NECTIN1: variants seen among roughly 807,000 people sequenced by gnomAD.
NECTIN1 encodes nectin-1.
A neutral mutation model predicts 48.0 loss-of-function variants in NECTIN1; 23 were observed. That is an observed-to-expected ratio of 0.48 (90% confidence interval 0.34 to 0.68). The LOEUF (loss-of-function observed/expected upper bound fraction) is 0.68, where lower values mean the gene tolerates loss of function less well. Among genes scored for constraint, NECTIN1 ranks in the 30% least tolerant of loss-of-function variants. NECTIN1 has a pLI of 0.01. For missense variants in NECTIN1, 591 were observed against 709.9 expected, an observed-to-expected ratio of 0.83 and a Z score of 1.90; for synonymous variants, 270 against 288.9, an observed-to-expected ratio of 0.93 and a Z score of 0.66.
intron 1 of NECTIN1, among the ~76,000 whole-genome samples, chr11:119,703,350 G>C (rs6589769): frequency 0.54 from 82,149 of 152,118 alleles, 22,877 homozygotes; most frequent in South Asian, 0.66. Context: ...CAACGGGACA[G>C]ATAAATGTCT....
chr11:119,711,510 T>C (rs1218400624), intron 1 of NECTIN1, among the ~76,000 whole-genome samples: 1 of 152,126 alleles, frequency 6.6e-6, no homozygotes, highest in Admixed American at 6.5e-5. Context: ...GGTGCTGAGC[T>C]AGGGCCTGCA....
At chr11:119,706,952 G>A (rs1284963348) in intron 1 of NECTIN1, among the ~76,000 whole-genome samples, 1 of 152,180 alleles carries the variant, frequency 6.6e-6, no homozygotes, top group Non-Finnish European at 1.5e-5. Flanking sequence ...TATGTGGCAG[G>A]GAACCCAAAT....
chr11:119,678,649 T>A lies in NECTIN1; in HGVS notation c.196A>T (p.Thr66Ser), dbSNP rs554886068. The change falls in exon 2 of 6, where the codon ACA (threonine) becomes TCA (serine). Residue 66 changes from threonine (T) to serine (S), a missense_variant. By Grantham distance (58) the Thr-to-Ser change is moderately conservative. Coordinates refer to ENST00000264025, the MANE Select transcript of NECTIN1 (RefSeq NM_002855.5). This position sits in a 1 kb window ranked among gnomAD's most constrained non-coding sequence, Gnocchi z 4.4. Reference sequence around the variant, plus strand: ...GAGCCATTGGTGGACTTCTGCCATGTGACCTGGGTGATCTTCACGCTGGGA... The same window carrying A: ...GAGCCATTGGTGGACTTCTGCCATGAGACCTGGGTGATCTTCACGCTGGGA... The part of the protein sequence containing the change: ...PLPSVKITQV[T>S]WQKSTNGSKQ... The A allele has an allele frequency of 1.2e-6, 2 of 1,614,118 alleles. No individual in the cohort carries two copies. Among genetic ancestry groups the A allele is most frequent in the Admixed American group, 1.7e-5 (1 of 60,014 alleles).
chr11:119,663,223 C>G lies in NECTIN1; in HGVS notation c.*1524G>C, dbSNP rs1213379717. 2.8e-5 allele frequency: 28 copies of G among 985,352 alleles called. No homozygotes were observed. The highest frequency in any genetic ancestry group is 3.4e-5 in the Non-Finnish European group (28 of 829,950). The allele number at this position is 985,352 out of a possible 1,614,324, so 61.0% of individuals were successfully genotyped here. A position where few individuals can be genotyped will look rare whatever the true frequency, so the allele number is the denominator to read the frequency against. Reference sequence around the variant, plus strand: ...CCTGCCTCTCCATCCCAGGGTCCTTCCCATGGGCATGCCTGTCTAGAGTGC... The same window carrying G: ...CCTGCCTCTCCATCCCAGGGTCCTTGCCATGGGCATGCCTGTCTAGAGTGC... On this transcript the variant is annotated 3_prime_UTR_variant, in exon 6 of 6. Coordinates refer to ENST00000264025, the MANE Select transcript of NECTIN1 (RefSeq NM_002855.5).
intron 5 of NECTIN1, among the ~76,000 whole-genome samples, chr11:119,667,274 A>C (rs1041963737): frequency 6.6e-6 from 1 of 152,124 alleles, no homozygotes; most frequent in Non-Finnish European, 1.5e-5. Flanking sequence ...CTCTGTACTC[A>C]GCCTGCCTGC....
intron 5 of NECTIN1, among the ~76,000 whole-genome samples, chr11:119,651,659 C>G (rs1483671149): frequency 1.3e-5 from 2 of 152,134 alleles, no homozygotes; most frequent in African/African-American, 2.4e-5. Flanking sequence ...CCAATCCCCC[C>G]ACTCCCACTG....
At chr11:119,693,221 G>C (rs570585920) in intron 1 of NECTIN1, among the ~76,000 whole-genome samples, 8 of 151,926 alleles carry the variant, frequency 5.3e-5, no homozygotes, top group African/African-American at 9.6e-5. Flanking sequence ...CGGGGTGTGT[G>C]TCTCTCTCTC....
intron 1 of NECTIN1, among the ~76,000 whole-genome samples, chr11:119,685,280 G>T (rs1196850574): frequency 6.6e-6 from 1 of 152,234 alleles, no homozygotes; most frequent in Non-Finnish European, 1.5e-5. Flanking sequence ...CTTGCCTGAT[G>T]ACCCCCCAAC....
intron 5 of NECTIN1, among the ~76,000 whole-genome samples, chr11:119,668,368 C>A (rs556449431): frequency 6.6e-6 from 1 of 152,364 alleles, no homozygotes; most frequent in South Asian, 2.1e-4. Context: ...TCTGTAGACA[C>A]AACCACTCGC....
At position 119,648,295 on chromosome 11, in the gene NECTIN1, G is replaced by A. The variant is rs867688292; in HGVS notation, c.1004-8283C>T. Among the ~76,000 whole-genome samples, 39 of 9,580 alleles carry A rather than the reference G, an allele frequency of 4.1e-3. 1 individual carries two copies. Among genetic ancestry groups the A allele is most frequent in the Middle Eastern group, 0.028 (1 of 36 alleles). The allele number at this position is 9,580 out of a possible 152,430, so 6.3% of individuals were successfully genotyped here. On this transcript the variant is annotated intron_variant, in intron 5 of 7. Transcript: ENST00000341398. ...GGTGGTGATGGTGGTGGTGATGGTG[G>A]TGGTGGTGGTGATGGTGGTGATGGT...
chr11:119,701,086 C>G (rs1865443821), intron 1 of NECTIN1, among the ~76,000 whole-genome samples: 1 of 152,156 alleles, frequency 6.6e-6, no homozygotes, highest in African/African-American at 2.4e-5. Context: ...GGTGCTTGCT[C>G]AGCTAAGCAC....
chr11:119,647,448 C>T (rs73004956), intron 5 of NECTIN1, among the ~76,000 whole-genome samples: 4,279 of 152,082 alleles, frequency 0.028, 89 homozygotes, highest in Non-Finnish European at 0.039. Flanking sequence ...TGGGATTTCA[C>T]GCACATTCCT....
Position 119,665,350 on chromosome 11 carries a change from G to A in NECTIN1, c.1004-53C>T. ...CAGCATCAGCGTGTGCTCCTGGGGT[G>A]TAGAGGGGGTGGGAGGGAGGCAGGG... On this transcript the variant is annotated intron_variant, in intron 5 of 5. Transcript: ENST00000264025. This position sits in a 1 kb window ranked among gnomAD's most constrained non-coding sequence, Gnocchi z 5.1. 1.4e-6 allele frequency: 2 copies of A among 1,429,444 alleles called. No individual in the cohort carries two copies. The highest frequency in any genetic ancestry group is 1.9e-6 in the Non-Finnish European group (2 of 1,069,544). The allele number at this position is 1,429,444 out of a possible 1,614,324, so 88.5% of individuals were successfully genotyped here.
In NECTIN1 at chr11:119,701,041, C is replaced by T. The variant is rs76371423; in HGVS notation, c.80-22276G>A. On this transcript the variant is annotated intron_variant, in intron 1 of 5. Coordinates refer to ENST00000264025, the MANE Select transcript of NECTIN1 (RefSeq NM_002855.5). Reference sequence around the variant, plus strand: ...CTGCAGTGGGGCAGATGTGGGGGTACGGGTGTGTGCTCAGGAGGGGAGGCT... The same window carrying T: ...CTGCAGTGGGGCAGATGTGGGGGTATGGGTGTGTGCTCAGGAGGGGAGGCT... 4.9e-3 allele frequency among the ~76,000 whole-genome samples: 749 copies of T among 152,126 alleles called. 8 individuals carry two copies. The highest frequency in any genetic ancestry group is 0.049 in the East Asian group (251 of 5,172).
In NECTIN1 at chr11:119,677,939, C is replaced by T; in HGVS notation, c.431-82G>A. 7.0e-7 allele frequency: 1 copy of T among 1,419,956 alleles called. No individual in the cohort carries two copies. The highest frequency in any genetic ancestry group is 9.8e-7 in the Non-Finnish European group (1 of 1,020,124). 88.0% of individuals were successfully genotyped at this position (1,419,956 alleles called of 1,614,324 possible). ...CCGGCCAAAAGGGCGTGGCATCCGT[C>T]AGGCCTTGTCTTCAGGTCCCCTTGG... On this transcript the variant is annotated intron_variant, in intron 2 of 5. Coordinates refer to ENST00000264025, the MANE Select transcript of NECTIN1 (RefSeq NM_002855.5). This position sits in a 1 kb window ranked among gnomAD's most constrained non-coding sequence, Gnocchi z 5.4.
chr11:119,639,835 G>T (rs776755803), intron 6 of NECTIN1: 1 of 1,613,900 alleles, frequency 6.2e-7, no homozygotes, highest in South Asian at 1.1e-5. Flanking sequence ...ACCAGTGGGA[G>T]TTTAGTGGGC....
intron 5 of NECTIN1, among the ~76,000 whole-genome samples, chr11:119,647,964 C>T (rs377263881): frequency 3.9e-4 from 56 of 142,808 alleles, no homozygotes; most frequent in African/African-American, 1.3e-3. Flanking sequence ...CTCAGGAGGC[C>T]GAGACAAGAG....
chr11:119,676,966 G>A (rs1481745455), intron 4 of NECTIN1, 136 bp downstream of exon 4: 1 of 747,212 alleles, frequency 1.3e-6, no homozygotes, highest in Non-Finnish European at 2.4e-6. Context: ...GTTCTCTCAT[G>A]GCCCCGCTTC....
At chr11:119,708,648 C>T (rs1865587514) in intron 1 of NECTIN1, among the ~76,000 whole-genome samples, 1 of 152,020 alleles carries the variant, frequency 6.6e-6, no homozygotes, top group African/African-American at 2.4e-5. Flanking sequence ...CTAATGAATA[C>T]CGAGGTTCTT....
Sources: gnomAD v4.1 joint callset for allele counts (sites outside exome capture counted in the v4.1 genomes callset) on GRCh38, gnomAD v4.1.1 for gene constraint, Gnocchi (gnomAD v3.1) non-coding constraint, MANE v1.5 for transcripts, NCBI Gene and HGNC (gene_info 2026-07-23, HGNC 2026-07-21) for gene names.